Variants in HORMAD2 observed in about 807,000 individuals in gnomAD.
HORMAD2 encodes the protein HORMA domain-containing protein 2.
Under a neutral mutation model 38.8 loss-of-function variants are expected in HORMAD2, and 45 were observed. That is an observed-to-expected ratio of 1.16 (90% CI 0.91 to 1.49). HORMAD2 has a LOEUF of 1.49. Among genes scored for constraint, HORMAD2 ranks in the 40% most tolerant of loss-of-function variants. The pLI is 0.00. For missense variants in HORMAD2, 338 were observed against 367.0 expected, an observed-to-expected ratio of 0.92 and a Z score of 0.65; for synonymous variants, 126 against 122.8, an observed-to-expected ratio of 1.03 and a Z score of -0.17.
chr22:30,088,674 GTTAATTTAAAAA>G (rs1325380967), intron 1 of HORMAD2, among the ~76,000 whole-genome samples: 6 of 151,064 alleles, frequency 4.0e-5, no homozygotes, highest in African/African-American at 7.3e-5. Flanking sequence ...AATTAAAAAA[GTTAATTTAAAAA>G]TTAATTTAAA....
chr22:30,088,074 TAC>T (rs1207819568), intron 1 of HORMAD2, among the ~76,000 whole-genome samples: 1 of 150,584 alleles, frequency 6.6e-6, no homozygotes, highest in Admixed American at 6.7e-5. Flanking sequence ...TACACACACG[TAC>T]ACACGTGTAC....
chr22:30,127,931 T>G (rs1569101570), intron 10 of HORMAD2, among the ~76,000 whole-genome samples: 1 of 152,212 alleles, frequency 6.6e-6, no homozygotes, highest in Non-Finnish European at 1.5e-5. Context: ...CTTTGAAGTA[T>G]TTCTCAAATC....
chr22:30,199,659 T>G, the HORMAD2 span, among the ~76,000 whole-genome samples: 1 of 152,210 alleles, frequency 6.6e-6, no homozygotes, highest in African/African-American at 2.4e-5. Context: ...TGGATGGACC[T>G]TTCCCAACCC....
chr22:30,089,663 T>C (rs2068647620), intron 1 of HORMAD2, among the ~76,000 whole-genome samples: 2 of 152,186 alleles, frequency 1.3e-5, no homozygotes, highest in African/African-American at 2.4e-5. Context: ...TTCTTTTTTA[T>C]ATCAACAAAA....
intron 10 of HORMAD2, among the ~76,000 whole-genome samples, chr22:30,126,919 A>G (rs1922908594): frequency 6.6e-6 from 1 of 152,064 alleles, no homozygotes; most frequent in Non-Finnish European, 1.5e-5. Context: ...GTTTTAATTT[A>G]TTTAATTTAA....
rs1224799041 is a variant in HORMAD2, at chr22:30,096,812, CTT to C, written c.52-2036_52-2035del. 2.0e-5 allele frequency among the ~76,000 whole-genome samples: 3 copies of C among 152,170 alleles called. No individual in the cohort carries two copies. In the East Asian group the frequency reaches 5.8e-4, roughly 29 times the overall value. On this transcript the variant is annotated intron_variant, in intron 2 of 10. Coordinates refer to ENST00000336726, the MANE Select transcript of HORMAD2 (RefSeq NM_152510.4). ...TCACTTCCCTGATAAAGTTTAAACA[CTT>C]TTTCATTTGTTTATTGGTCATTTGG... is the stretch of plus-strand genomic sequence containing the variant.
chr22:30,124,716 T>A (rs895290369), intron 10 of HORMAD2, among the ~76,000 whole-genome samples: 2 of 152,258 alleles, frequency 1.3e-5, no homozygotes, highest in African/African-American at 4.8e-5. Context: ...CTACTCTTGA[T>A]AGACATTCTT....
At chr22:30,157,049 C>G (rs1337334786) in intron 10 of HORMAD2, among the ~76,000 whole-genome samples, 1 of 152,230 alleles carries the variant, frequency 6.6e-6, no homozygotes, top group Non-Finnish European at 1.5e-5. Flanking sequence ...ACTCCCACTA[C>G]ATTCCTTGGA....
intron 10 of HORMAD2, among the ~76,000 whole-genome samples, chr22:30,151,023 C>G (rs911300159): frequency 6.6e-6 from 1 of 152,152 alleles, no homozygotes; most frequent in East Asian, 1.9e-4. Context: ...TATTTTAGCT[C>G]CTCTACCTAC....
Position 30,086,904 on chromosome 22 carries a change from C to T in HORMAD2, c.-38+6413C>T, listed in dbSNP as rs570858411. On this transcript the variant is annotated intron_variant, in intron 1 of 10. Transcript: ENST00000336726. ...CCATCTACTGGGTTCAAGCGATTCTCCTGCCTCAGCCTCCCAAGTAGCTGG... is the reference window on the plus strand; with the variant it reads ...CCATCTACTGGGTTCAAGCGATTCTTCTGCCTCAGCCTCCCAAGTAGCTGG... Among the ~76,000 whole-genome samples, 13 of 152,316 alleles carry T rather than the reference C, an allele frequency of 8.5e-5. No individual in the cohort carries two copies. The South Asian group carries it at 2.3e-3, about 27-fold the overall frequency.
At chr22:30,201,887 T>C in the HORMAD2 span, among the ~76,000 whole-genome samples, 1 of 152,208 alleles carries the variant, frequency 6.6e-6, no homozygotes, top group Non-Finnish European at 1.5e-5. Context: ...GTGAAGGATC[T>C]TGCATCTGCG....
chr22:30,143,077 A>T (rs1300420801), intron 10 of HORMAD2, among the ~76,000 whole-genome samples: 1 of 151,916 alleles, frequency 6.6e-6, no homozygotes, highest in East Asian at 1.9e-4. Flanking sequence ...CTTTTCTCCT[A>T]CTCAGCTTCT....
chr22:30,191,189 C>T, the HORMAD2 span, among the ~76,000 whole-genome samples: 12 of 152,250 alleles, frequency 7.9e-5, no homozygotes, highest in South Asian at 1.5e-3. Context: ...GAAGCCAACT[C>T]CAGACAGCTC....
chr22:30,194,350 A>C, the HORMAD2 span, among the ~76,000 whole-genome samples: 1 of 152,218 alleles, frequency 6.6e-6, no homozygotes, highest in African/African-American at 2.4e-5. Context: ...ACAGTTGTTT[A>C]GTCTGGAAAA....
intron 10 of HORMAD2, among the ~76,000 whole-genome samples, chr22:30,129,108 C>G (rs1294839670): frequency 6.6e-6 from 1 of 150,802 alleles, no homozygotes; most frequent in Non-Finnish European, 1.5e-5. Flanking sequence ...GTCCCAGCTA[C>G]TTGGGAGGCT....
rs8141471 is a variant in HORMAD2, at chr22:30,122,244, G to A, written c.819+30G>A. ...GGCAAAGCTTTAGAGATTTTCTATC[G>A]TGTCAGTTAAACACAATTGATATTT... On this transcript the variant is annotated intron_variant, in intron 10 of 10. Coordinates refer to ENST00000336726, the MANE Select transcript of HORMAD2 (RefSeq NM_152510.4). The A allele has an allele frequency of 0.079, 124,151 of 1,579,698 alleles. 5,577 individuals carry two copies. The highest frequency in any genetic ancestry group is 0.093 in the African/African-American group (6,858 of 74,116).
chr22:30,116,933 A>C, intron 7 of HORMAD2, among the ~76,000 whole-genome samples: 1 of 150,424 alleles, frequency 6.6e-6, no homozygotes, highest in East Asian at 1.9e-4. Context: ...CTAAGAGAGG[A>C]CTCTGTTCAT....
At chr22:30,127,698 T>A (rs548553887) in intron 10 of HORMAD2, among the ~76,000 whole-genome samples, 2 of 152,228 alleles carry the variant, frequency 1.3e-5, no homozygotes, top group Non-Finnish European at 2.9e-5. Flanking sequence ...TTCCAAATTG[T>A]ACTTCCATAA....
At chr22:30,139,498 A>G (rs1331721715) in intron 10 of HORMAD2, among the ~76,000 whole-genome samples, 2 of 151,394 alleles carry the variant, frequency 1.3e-5, no homozygotes, top group African/African-American at 4.9e-5. Flanking sequence ...ATTTTTTTAG[A>G]GGATTCCTGA....
Sources: gnomAD v4.1 joint callset for allele counts (sites outside exome capture counted in the v4.1 genomes callset) on GRCh38, gnomAD v4.1.1 for gene constraint, MANE v1.5 for transcripts, NCBI Gene and HGNC (gene_info 2026-07-23, HGNC 2026-07-21) for gene names.